C12orf42: variants seen among roughly 807,000 people sequenced by gnomAD.
C12orf42 encodes the protein uncharacterized protein C12orf42.
A neutral mutation model predicts 21.6 loss-of-function variants in C12orf42; 25 were observed. That is an observed-to-expected ratio of 1.16 (90% CI 0.84 to 1.62). The LOEUF (loss-of-function observed/expected upper bound fraction) is 1.62. Among genes scored for constraint, C12orf42 ranks in the 40% most tolerant of loss-of-function variants. The pLI is 0.00. For missense variants in C12orf42, 483 were observed against 459.3 expected (o/e 1.05, Z -0.47); for synonymous variants, 174 against 175.0 (o/e 0.99, Z 0.05).
chr12:103,129,332 T>C, the C12orf42 span, among the ~76,000 whole-genome samples: 3 of 152,112 alleles, frequency 2.0e-5, no homozygotes, highest in African/African-American at 4.8e-5. Flanking sequence ...TTATGCTACA[T>C]GGAATGAAGT....
the C12orf42 span, among the ~76,000 whole-genome samples, chr12:103,529,462 C>A: frequency 1.3e-5 from 2 of 152,186 alleles, no homozygotes; most frequent in Non-Finnish European, 2.9e-5. Flanking sequence ...TTCAACAGTG[C>A]GTCGGCTCTC....
At position 103,420,635 on chromosome 12, in the gene C12orf42, T is replaced by C. The variant is rs573353177; in HGVS notation, c.79-18960A>G. 1.6e-4 allele frequency among the ~76,000 whole-genome samples: 24 copies of C among 152,238 alleles called. No individual in the cohort carries two copies. The South Asian group carries it at 5.0e-3, about 32-fold the overall frequency. On this transcript the variant is annotated intron_variant, in intron 2 of 5. Transcript: ENST00000548883. The stretch of plus-strand genomic sequence containing the variant: ...ACCTCCGCCTCCCTGGTTCATGTGA[T>C]TCTCCTCCCTAAGCCTCCCAAGTAG...
intron 3 of C12orf42, among the ~76,000 whole-genome samples, chr12:103,378,224 G>A (rs1364070662): frequency 1.3e-5 from 2 of 152,152 alleles, no homozygotes; most frequent in Non-Finnish European, 2.9e-5. Context: ...AGAGTTTAGG[G>A]AAGGGGATAT....
chr12:103,111,396 T>C, the C12orf42 span, among the ~76,000 whole-genome samples: 51 of 152,222 alleles, frequency 3.4e-4, no homozygotes, highest in Non-Finnish European at 1.5e-5. Flanking sequence ...CAACCTCTTT[T>C]ATGCCTTCTA....
At chr12:103,261,493 A>G (rs971797744) in intron 10 of C12orf42, among the ~76,000 whole-genome samples, 2 of 151,384 alleles carry the variant, frequency 1.3e-5, no homozygotes, top group African/African-American at 2.4e-5. Context: ...AAAAAAAAAA[A>G]AAAAAGTATG....
At chr12:103,407,103 T>C (rs1234212992) in intron 2 of C12orf42, among the ~76,000 whole-genome samples, 1 of 152,052 alleles carries the variant, frequency 6.6e-6, no homozygotes, top group Non-Finnish European at 1.5e-5. Flanking sequence ...ACTGAGTAAG[T>C]GGTGGAGTTG....
chr12:103,348,232 A>G (rs982238994), intron 4 of C12orf42, among the ~76,000 whole-genome samples: 9 of 152,168 alleles, frequency 5.9e-5, no homozygotes, highest in Non-Finnish European at 1.2e-4. Flanking sequence ...GAACCTAGAG[A>G]TCTACATGTG....
At position 103,290,144 on chromosome 12, in the gene C12orf42, C is replaced by T. The variant is rs78949273; in HGVS notation, n.338-12934G>A. On this transcript the variant is annotated intron_variant and non_coding_transcript_variant, in intron 4 of 6. Transcript: ENST00000546526. ...CATATCAGCATCCTAAGATGTACCA[C>T]TCTGCTGGGAAAACCCAAGACAAAA... 2.6e-3 allele frequency among the ~76,000 whole-genome samples: 402 copies of T among 152,294 alleles called. 2 individuals are homozygous for T. Among genetic ancestry groups the T allele is most frequent in the Middle Eastern group, 3.4e-3 (1 of 294 alleles).
At chr12:103,241,971 TTTAA>T (rs1343215761) in intron 10 of C12orf42, among the ~76,000 whole-genome samples, 4 of 152,202 alleles carry the variant, frequency 2.6e-5, no homozygotes, top group Non-Finnish European at 4.4e-5. Context: ...TATACATTTA[TTTAA>T]TTAAACACTT....
At chr12:103,309,592 A>G (rs1028254040) in intron 4 of C12orf42, among the ~76,000 whole-genome samples, 4 of 152,120 alleles carry the variant, frequency 2.6e-5, no homozygotes, top group Non-Finnish European at 2.9e-5. Context: ...TCAAAGGTCA[A>G]TCGTAATCAT....
chr12:103,522,101 A>G, the C12orf42 span, among the ~76,000 whole-genome samples: 1 of 152,068 alleles, frequency 6.6e-6, no homozygotes, highest in East Asian at 1.9e-4. Context: ...TAATCCCCAC[A>G]TGTCAAGGGC....
At chr12:103,164,593 T>A in the C12orf42 span, 2 of 415,018 alleles carry the variant, frequency 4.8e-6, no homozygotes, top group South Asian at 3.5e-5. Context: ...CTGAAGAAAT[T>A]TACATAGTAT....
chr12:103,119,233 T>C, the C12orf42 span, among the ~76,000 whole-genome samples: 5 of 152,182 alleles, frequency 3.3e-5, no homozygotes, highest in African/African-American at 9.7e-5. Context: ...TTTTTAAATG[T>C]TATTAATAAT....
At chr12:103,467,090 G>A (rs1223318798) in intron 2 of C12orf42, among the ~76,000 whole-genome samples, 2 of 152,096 alleles carry the variant, frequency 1.3e-5, no homozygotes, top group Non-Finnish European at 2.9e-5. Flanking sequence ...TCAAACACCT[G>A]AGCAAAATAA....
the C12orf42 span, among the ~76,000 whole-genome samples, chr12:103,176,875 A>G: frequency 6.6e-6 from 1 of 152,210 alleles, no homozygotes; most frequent in Non-Finnish European, 1.5e-5. Flanking sequence ...AGTAGTTATT[A>G]TTCATCACTT....
chr12:103,367,783 T>A (rs569960063), intron 4 of C12orf42, among the ~76,000 whole-genome samples: 2 of 152,068 alleles, frequency 1.3e-5, no homozygotes, highest in East Asian at 3.9e-4. Flanking sequence ...CCCAAAAAAA[T>A]TTTCAGTTCT....
At chr12:103,217,751 A>G in the C12orf42 span, among the ~76,000 whole-genome samples, 1 of 152,076 alleles carries the variant, frequency 6.6e-6, no homozygotes, top group Non-Finnish European at 1.5e-5. Context: ...AAGAACTGCT[A>G]TTCCTCTCTA....
At chr12:103,190,817 A>AGAAAAGAAAAT in the C12orf42 span, among the ~76,000 whole-genome samples, 1 of 152,202 alleles carries the variant, frequency 6.6e-6, no homozygotes, top group Admixed American at 6.5e-5. Flanking sequence ...GAAAGAGAAG[A>AGAAAAGAAAAT]GAAAAGAAAA....
the C12orf42 span, among the ~76,000 whole-genome samples, chr12:103,068,072 G>A: frequency 2.0e-5 from 3 of 152,158 alleles, no homozygotes; most frequent in Admixed American, 1.3e-4. Context: ...GACCTGCTGA[G>A]GTGTTTCCTG....
Sources: gnomAD v4.1 joint callset for allele counts (sites outside exome capture counted in the v4.1 genomes callset) on GRCh38, gnomAD v4.1.1 for gene constraint, MANE v1.5 for transcripts, NCBI Gene and HGNC (gene_info 2026-07-23, HGNC 2026-07-21) for gene names.